PPP2R2A: variants seen among roughly 807,000 people sequenced by gnomAD.
The protein encoded by PPP2R2A is protein phosphatase 2 regulatory subunit Balpha.
A neutral mutation model predicts 53.2 loss-of-function variants in PPP2R2A; 9 were observed. The observed-to-expected ratio is 0.17, with a 90% CI of 0.10 to 0.30. The LOEUF (loss-of-function observed/expected upper bound fraction) is 0.30. Among genes scored for constraint, PPP2R2A ranks in the 10% least tolerant of loss-of-function variants. PPP2R2A has a pLI of 1.00. For synonymous variants in PPP2R2A, 169 were observed against 174.2 expected, an observed-to-expected ratio of 0.97 and a Z score of 0.23; for missense variants, 235 against 534.6, an observed-to-expected ratio of 0.44 and a Z score of 5.53.
At chr8:26,353,907 G>C (rs1043881179) in intron 3 of PPP2R2A, among the ~76,000 whole-genome samples, 1 of 152,146 alleles carries the variant, frequency 6.6e-6, no homozygotes, top group African/African-American at 2.4e-5. Flanking sequence ...GTGGTCTTGG[G>C]GTGGGAGGTA....
At chr8:26,366,892 A>G (rs145346241) in intron 9 of PPP2R2A, among the ~76,000 whole-genome samples, 1 of 152,230 alleles carries the variant, frequency 6.6e-6, no homozygotes, top group Non-Finnish European at 1.5e-5. Flanking sequence ...TTTGCTTTTT[A>G]TAATTTCCAG....
At chr8:26,325,459 A>T (rs139821190) in intron 2 of PPP2R2A, among the ~76,000 whole-genome samples, 65 of 152,146 alleles carry the variant, frequency 4.3e-4, no homozygotes, top group African/African-American at 1.5e-3. Context: ...TTTCTTCCCA[A>T]TCTTGGGTAT....
chr8:26,292,819 G>T (rs1173270989), intron 1 of PPP2R2A, among the ~76,000 whole-genome samples: 1 of 152,080 alleles, frequency 6.6e-6, no homozygotes, highest in Non-Finnish European at 1.5e-5. Context: ...CAATCATTTC[G>T]ACCTCAGTAC....
At chr8:26,313,656 A>G (rs1284249134) in intron 2 of PPP2R2A, among the ~76,000 whole-genome samples, 1 of 152,206 alleles carries the variant, frequency 6.6e-6, no homozygotes, top group African/African-American at 2.4e-5. Context: ...TAGGCTGTAA[A>G]TATGTAAGCA....
intron 2 of PPP2R2A, among the ~76,000 whole-genome samples, chr8:26,309,976 A>G (rs1313560740): frequency 6.6e-6 from 1 of 151,774 alleles, no homozygotes; most frequent in Non-Finnish European, 1.5e-5. Flanking sequence ...CAAAGCTAGC[A>G]CATGTTGGAA....
chr8:26,342,650 C>G lies in PPP2R2A; in HGVS notation c.180+3663C>G, dbSNP rs73217713. On this transcript the variant is annotated intron_variant, in intron 3 of 9. Coordinates refer to ENST00000380737, the MANE Select transcript of PPP2R2A (RefSeq NM_002717.4). ...AGGGAGGTTGTACCTCTTTCCACTT[C>G]TTTTTATAATTTTTCTAGGTTGGTA... 3.6e-3 allele frequency among the ~76,000 whole-genome samples: 541 copies of G among 152,166 alleles called. 4 individuals are homozygous for G. Among genetic ancestry groups the G allele is most frequent in the Non-Finnish European group, 5.6e-3 (380 of 67,990 alleles).
intron 9 of PPP2R2A, among the ~76,000 whole-genome samples, chr8:26,367,589 A>G (rs576748307): frequency 1.4e-4 from 21 of 152,256 alleles, no homozygotes; most frequent in African/African-American, 4.3e-4. Flanking sequence ...TTCTCTGTTT[A>G]TTTATAGCTA....
intron 1 of PPP2R2A, chr8:26,293,282 T>C (rs978335214): frequency 2.6e-6 from 4 of 1,533,664 alleles, no homozygotes; most frequent in Admixed American, 2.0e-5. Flanking sequence ...CTATGTTTCA[T>C]GGTAGTTTAA....
chr8:26,330,185 A>G (rs1197155190), intron 2 of PPP2R2A, among the ~76,000 whole-genome samples: 1 of 152,138 alleles, frequency 6.6e-6, no homozygotes, highest in African/African-American at 2.4e-5. Context: ...CCACTACAGT[A>G]TTTAAATCTG....
intron 1 of PPP2R2A, chr8:26,292,332 C>G (rs1333314536): frequency 2.0e-6 from 2 of 986,682 alleles, no homozygotes; most frequent in Non-Finnish European, 2.4e-6. Context: ...TGTATTTTTT[C>G]CCCACTGTAG....
At chr8:26,332,697 C>CT (rs1171070947) in intron 2 of PPP2R2A, among the ~76,000 whole-genome samples, 1 of 152,090 alleles carries the variant, frequency 6.6e-6, no homozygotes, top group Non-Finnish European at 1.5e-5. Context: ...GTAGCAGATT[C>CT]TGAATAAATA....
intron 3 of PPP2R2A, among the ~76,000 whole-genome samples, chr8:26,345,902 C>T (rs1804188625): frequency 6.6e-6 from 1 of 152,106 alleles, no homozygotes; most frequent in Non-Finnish European, 1.5e-5. Flanking sequence ...ACGGCATCAG[C>T]TCTTTTTCTC....
intron 4 of PPP2R2A, among the ~76,000 whole-genome samples, chr8:26,355,743 T>C (rs1804745212): frequency 6.6e-6 from 1 of 151,838 alleles, no homozygotes; most frequent in Admixed American, 6.6e-5. Context: ...CGGGTGCCTG[T>C]AGTTCCAGCT....
chr8:26,328,638 T>C (rs574469901), intron 2 of PPP2R2A, among the ~76,000 whole-genome samples: 1,796 of 152,344 alleles, frequency 0.012, 19 homozygotes, highest in African/African-American at 0.033. Flanking sequence ...TCAAATGTAC[T>C]TTGTAACATT....
At chr8:26,363,979 T>G (rs967100977) in intron 8 of PPP2R2A, 89 bp downstream of exon 8, 7 of 1,234,530 alleles carry the variant, frequency 5.7e-6, no homozygotes, top group South Asian at 4.2e-5. Context: ...TTTTAATCCC[T>G]GTATGGTGTT....
intron 8 of PPP2R2A, chr8:26,365,062 C>T (rs1805297405): frequency 6.6e-6 from 1 of 152,138 alleles, no homozygotes; most frequent in South Asian, 2.1e-4. Context: ...TGATTTGAAG[C>T]TTAGCTTCAT....
intron 2 of PPP2R2A, among the ~76,000 whole-genome samples, chr8:26,324,286 T>C (rs776971725): frequency 1.8e-4 from 28 of 152,250 alleles, no homozygotes; most frequent in Non-Finnish European, 3.5e-4. Flanking sequence ...GGGCTTTATA[T>C]TTTTAGAGCA....
intron 2 of PPP2R2A, among the ~76,000 whole-genome samples, chr8:26,302,140 A>G (rs929465539): frequency 6.6e-6 from 1 of 152,168 alleles, no homozygotes; most frequent in African/African-American, 2.4e-5. Context: ...ATGGAACATC[A>G]CTTTTATTTG....
chr8:26,351,052 T>C (rs1239865209), intron 3 of PPP2R2A, among the ~76,000 whole-genome samples: 1 of 152,188 alleles, frequency 6.6e-6, no homozygotes, highest in African/African-American at 2.4e-5. Flanking sequence ...TTTCATTCTG[T>C]GACTTGCCTT....
Sources: allele counts gnomAD v4.1 joint callset (sites outside exome capture counted in the v4.1 genomes callset), GRCh38; gene constraint gnomAD v4.1.1; transcripts MANE v1.5; gene names NCBI Gene and HGNC (gene_info 2026-07-23, HGNC 2026-07-21).